PDZD2: variants seen among roughly 807,000 people sequenced by gnomAD.
PDZD2 encodes PDZ domain containing 2.
In PDZD2, 90 loss-of-function variants were observed where a neutral mutation model predicts 220.7. The observed-to-expected ratio is 0.41, with a 90% CI of 0.34 to 0.49. The LOEUF (loss-of-function observed/expected upper bound fraction) is 0.49. Ranked by LOEUF, PDZD2 falls within the 20% of genes least tolerant of loss-of-function variation. The probability of loss-of-function intolerance (pLI) is 0.28; values close to 1 mark genes in which losing one functional copy is unlikely to be tolerated. For missense variants in PDZD2, 3,174 were observed against 3,608.5 expected (o/e 0.88, Z 3.08); for synonymous variants, 1,375 against 1,450.5 (o/e 0.95, Z 1.18).
chr5:31,897,404 C>G (rs1408003892), intron 2 of PDZD2, among the ~76,000 whole-genome samples: 1 of 152,130 alleles, frequency 6.6e-6, no homozygotes, highest in Admixed American at 6.6e-5. Context: ...TCCCTTTGTC[C>G]TCTCAGCCCT....
Position 32,089,957 on chromosome 5 carries a change from C to T in PDZD2, c.6509C>T (p.Ser2170Phe). The change falls in exon 20 of 25, where the codon TCC becomes TTC. Residue 2170 changes from serine to phenylalanine, a missense_variant. Physicochemically the swap from Ser to Phe is radical, Grantham distance 155. This residue lies in a region of PDZD2 where 1,861 missense variants were observed against 2,001.0 expected (regional missense o/e 0.93). Coordinates refer to ENST00000438447, the MANE Select transcript of PDZD2 (RefSeq NM_178140.4). ...TTCAGCATGGCAAAACTGGCGTCCTCCTCCTCCTCCCTTCAAACAGCCATT... is the reference window on the plus strand; with the variant it reads ...TTCAGCATGGCAAAACTGGCGTCCTTCTCCTCCTCCCTTCAAACAGCCATT... ...RSFSMAKLASSSSSLQTAIRK... is the reference protein window; with the variant it reads ...RSFSMAKLASFSSSLQTAIRK... 2 of 1,605,556 alleles carry T rather than the reference C, an allele frequency of 1.2e-6. No individual in the cohort carries two copies. The highest frequency in any genetic ancestry group is 1.7e-6 in the Non-Finnish European group (2 of 1,175,890).
intron 1 of PDZD2, among the ~76,000 whole-genome samples, chr5:31,748,403 C>G (rs1487898228): frequency 6.6e-6 from 1 of 152,216 alleles, no homozygotes; most frequent in African/African-American, 2.4e-5. Context: ...TGTAAAGTGG[C>G]TGGGGGAACC....
At chr5:31,721,082 A>G (rs1457004788) in intron 1 of PDZD2, among the ~76,000 whole-genome samples, 1 of 152,154 alleles carries the variant, frequency 6.6e-6, no homozygotes, top group Non-Finnish European at 1.5e-5. Context: ...GAGCCCCAAC[A>G]GTGAAGACCA....
At chr5:32,047,635 AC>A (rs1738107630) in intron 7 of PDZD2, among the ~76,000 whole-genome samples, 2 of 152,382 alleles carry the variant, frequency 1.3e-5, no homozygotes, top group South Asian at 4.1e-4. Context: ...AAAGAAGTGA[AC>A]ATACCAAAAA....
intron 19 of PDZD2, among the ~76,000 whole-genome samples, chr5:32,081,181 G>A (rs370828422): frequency 4.0e-5 from 6 of 151,890 alleles, no homozygotes; most frequent in African/African-American, 7.3e-5. Flanking sequence ...TCCCAGCCCC[G>A]TACTCCCTGG....
chr5:32,012,180 C>T (rs1753374228), intron 6 of PDZD2, among the ~76,000 whole-genome samples: 1 of 152,096 alleles, frequency 6.6e-6, no homozygotes, highest in Non-Finnish European at 1.5e-5. Context: ...GGGCTCATCC[C>T]TACTGAGCAG....
chr5:31,829,938 C>G (rs1756461813), intron 2 of PDZD2, among the ~76,000 whole-genome samples: 1 of 151,932 alleles, frequency 6.6e-6, no homozygotes, highest in Admixed American at 6.6e-5. Context: ...ATCCCAGCTG[C>G]TCTGGAGGCT....
At chr5:31,761,491 A>T (rs568895459) in intron 1 of PDZD2, among the ~76,000 whole-genome samples, 1 of 144,804 alleles carries the variant, frequency 6.9e-6, no homozygotes, top group Non-Finnish European at 1.5e-5. Context: ...TTCTCGGGGG[A>T]AAAAAAATGA....
chr5:31,655,686 T>C (rs1745520920), intron 1 of PDZD2, among the ~76,000 whole-genome samples: 1 of 152,162 alleles, frequency 6.6e-6, no homozygotes, highest in South Asian at 2.1e-4. Context: ...TCATTGGTAT[T>C]TTTCATTTAA....
intron 7 of PDZD2, among the ~76,000 whole-genome samples, chr5:32,042,556 A>T (rs1432127283): frequency 6.6e-6 from 1 of 152,134 alleles, no homozygotes; most frequent in South Asian, 2.1e-4. Context: ...TGGGCAACAG[A>T]GCCAGACTCC....
intron 2 of PDZD2, among the ~76,000 whole-genome samples, chr5:31,808,447 G>A (rs1456938312): frequency 1.3e-5 from 2 of 152,132 alleles, no homozygotes; most frequent in Non-Finnish European, 2.9e-5. Flanking sequence ...CTGTTTGTTC[G>A]TGACCCGCTT....
intron 2 of PDZD2, among the ~76,000 whole-genome samples, chr5:31,932,244 A>G (rs1302655976): frequency 1.3e-5 from 2 of 152,158 alleles, no homozygotes; most frequent in African/African-American, 2.4e-5. Context: ...GAACTGGCCA[A>G]TGAGAAAATG....
At chr5:31,701,701 C>T (rs535036255) in intron 1 of PDZD2, among the ~76,000 whole-genome samples, 1 of 152,346 alleles carries the variant, frequency 6.6e-6, no homozygotes, top group Admixed American at 6.5e-5. Flanking sequence ...TGATGCCACA[C>T]ATTTGCATCT....
At chr5:31,864,642 C>T (rs930963782) in intron 2 of PDZD2, among the ~76,000 whole-genome samples, 3 of 151,962 alleles carry the variant, frequency 2.0e-5, no homozygotes, top group African/African-American at 4.8e-5. Flanking sequence ...GCATCAGCCT[C>T]CCGAGTAGCT....
intron 1 of PDZD2, among the ~76,000 whole-genome samples, chr5:31,707,159 G>T (rs1210006697): frequency 8.0e-6 from 1 of 124,744 alleles, no homozygotes; most frequent in African/African-American, 3.0e-5. Context: ...GTCATGGGGT[G>T]GGGGGAGGGG....
chr5:31,897,318 T>G (rs1741658986), intron 2 of PDZD2, among the ~76,000 whole-genome samples: 7 of 152,156 alleles, frequency 4.6e-5, no homozygotes. Context: ...AAAATTGTGT[T>G]CTGCTCCTAG....
intron 1 of PDZD2, among the ~76,000 whole-genome samples, chr5:31,758,998 T>G (rs1454034270): frequency 2.0e-5 from 3 of 152,032 alleles, no homozygotes; most frequent in Non-Finnish European, 4.4e-5. Flanking sequence ...CCACCTCCAT[T>G]TCCAACAGGT....
At chr5:31,847,271 G>T in intron 2 of PDZD2, 2 of 295,914 alleles carry the variant, frequency 6.8e-6, no homozygotes, top group South Asian at 4.0e-5. Flanking sequence ...GTTCTGTAGG[G>T]TGGGGTTTGT....
At chr5:31,889,319 T>G (rs1740801260) in intron 2 of PDZD2, among the ~76,000 whole-genome samples, 1 of 152,172 alleles carries the variant, frequency 6.6e-6, no homozygotes, top group Non-Finnish European at 1.5e-5. Context: ...GGGGAGGAGC[T>G]TCTGTTTCGG....
Sources: allele counts gnomAD v4.1 joint callset (sites outside exome capture counted in the v4.1 genomes callset), GRCh38; gene constraint gnomAD v4.1.1; regional missense constraint gnomAD v4.1.1; transcripts MANE v1.5; gene names NCBI Gene and HGNC (gene_info 2026-07-23, HGNC 2026-07-21).